The following DHFR2 variants were observed in gnomAD, a reference collection of about 807,000 sequenced individuals.
DHFR2 encodes the protein dihydrofolate reductase 2, mitochondrial.
In DHFR2, 11 loss-of-function variants were observed where a neutral mutation model predicts 12.0. The ratio of observed to expected loss-of-function variants is 0.92; its 90% CI spans 0.58 to 1.52. The LOEUF is 1.52. Ranked by LOEUF, DHFR2 falls within the 40% of genes most tolerant of loss-of-function variation. The pLI, the probability that DHFR2 is intolerant of heterozygous loss-of-function variation, is 0.00. For synonymous variants in DHFR2, 87 were observed against 79.6 expected (o/e 1.09, Z -0.49); for missense variants, 188 against 221.2 (o/e 0.85, Z 0.95).
rs2077159821 is a variant in DHFR2 at position 94,059,224 on chromosome 3, T to C, written c.*1724A>G. The C allele has an allele frequency of 1.3e-5, 2 of 152,216 alleles. No individual in the cohort carries two copies. The highest frequency in any genetic ancestry group is 2.9e-5 in the Non-Finnish European group (2 of 68,040). The allele number at this position is 152,216 out of a possible 1,614,324, so 9.4% of individuals were successfully genotyped here. On this transcript the variant is annotated 3_prime_UTR_variant, in exon 2 of 2. Transcript: ENST00000314636. ...AAGGCATGGTTCCGTTGTTTTCAGA[T>C]TCTTTTTTGAGACAGGGTCTCTTCT... is the stretch of plus-strand genomic sequence containing the variant.
At position 94,059,368 on chromosome 3, in the gene DHFR2, A is replaced by G. The variant is rs372901716; in HGVS notation, c.*1580T>C. 1 of 152,156 alleles carries G rather than the reference A, an allele frequency of 6.6e-6. No individual in the cohort carries two copies. Among genetic ancestry groups the G allele is most frequent in the Non-Finnish European group, 1.5e-5 (1 of 68,072 alleles). 9.4% of individuals were successfully genotyped at this position (152,156 alleles called of 1,614,324 possible). On this transcript the variant is annotated 3_prime_UTR_variant, in exon 2 of 2. Coordinates refer to ENST00000314636, the MANE Select transcript of DHFR2 (RefSeq NM_176815.5). ...AGACGAGACTACAGGTGTGTGCCAC[A>G]ATGCCCAGCCAATTTTTGTATCTTC...
Position 94,057,993 on chromosome 3 carries a change from AAT to A in DHFR2, c.*2953_*2954del, listed in dbSNP as rs1253324384. Reference sequence around the variant, plus strand: ...TGAGTCCCAAAAATGTGATAAAATTAATATGACCTCTTTCCAAGTATAACACA... The same window carrying A: ...TGAGTCCCAAAAATGTGATAAAATTAATGACCTCTTTCCAAGTATAACACA... On this transcript the variant is annotated 3_prime_UTR_variant, in exon 2 of 2. Transcript: ENST00000314636. 1 of 152,202 alleles carries A rather than the reference AAT, an allele frequency of 6.6e-6. No homozygotes were observed. Among genetic ancestry groups the A allele is most frequent in the African/African-American group, 2.4e-5 (1 of 41,470 alleles). The allele number at this position is 152,202 out of a possible 1,614,324, so 9.4% of individuals were successfully genotyped here. A position where few individuals can be genotyped will look rare whatever the true frequency, so the allele number is the denominator to read the frequency against.
rs1465589673 is a variant in DHFR2, at chr3:94,058,518, T to TA, written c.*2429dup. 6 of 152,400 alleles carry TA rather than the reference T, an allele frequency of 3.9e-5. No individual in the cohort carries two copies. Among genetic ancestry groups the TA allele is most frequent in the East Asian group, 1.9e-4 (1 of 5,174 alleles). The allele number at this position is 152,400 out of a possible 1,614,324, so 9.4% of individuals were successfully genotyped here. A position where few individuals can be genotyped will look rare whatever the true frequency, so the allele number is the denominator to read the frequency against. On this transcript the variant is annotated 3_prime_UTR_variant, in exon 2 of 2. Transcript: ENST00000314636. ...ATATGACAGATGAGGATTTAGCTCT[T>TA]ACACCATCACTATCTTCACTTTTCC... is the stretch of plus-strand genomic sequence containing the variant.
rs148712785 is a variant in DHFR2 at position 94,061,872 on chromosome 3, T to C, written c.-95-266A>G. 6.1e-3 allele frequency among the ~76,000 whole-genome samples: 922 copies of C among 152,114 alleles called. 10 individuals carry two copies. Among genetic ancestry groups the C allele is most frequent in the African/African-American group, 0.02 (848 of 41,538 alleles). ...GTACCAAATCTAAATTCTAATAAGA[T>C]GCATTTTTTAGGTGACTTGGAAACT... On this transcript the variant is annotated intron_variant, in intron 1 of 1. Transcript: ENST00000314636.
Position 94,058,140 on chromosome 3 carries a change from A to T in DHFR2, c.*2808T>A, listed in dbSNP as rs1354253325. ...TATTTTTATTAAAGAAATATATGAA[A>T]ATGGTTAAGTAAAATCAAATGGCTC... is the stretch of plus-strand genomic sequence containing the variant. On this transcript the variant is annotated 3_prime_UTR_variant, in exon 2 of 2. Coordinates refer to ENST00000314636, the MANE Select transcript of DHFR2 (RefSeq NM_176815.5). 6.6e-6 allele frequency: 1 copy of T among 152,130 alleles called. No individual in the cohort carries two copies. The highest frequency in any genetic ancestry group is 1.5e-5 in the Non-Finnish European group (1 of 68,000). 9.4% of individuals were successfully genotyped at this position (152,130 alleles called of 1,614,324 possible). A position where few individuals can be genotyped will look rare whatever the true frequency, so the allele number is the denominator to read the frequency against.
rs2077169257 is a variant in DHFR2, at chr3:94,060,916, G to C, written c.*32C>G. ...AATGCATACTTTTCTCAGAGGGAGG[G>C]GGAACAACTTAAACCAGAAAACACC... On this transcript the variant is annotated 3_prime_UTR_variant, in exon 2 of 2. Coordinates refer to ENST00000314636, the MANE Select transcript of DHFR2 (RefSeq NM_176815.5). 3 of 1,601,860 alleles carry C rather than the reference G, an allele frequency of 1.9e-6. No homozygotes were observed. The highest frequency in any genetic ancestry group is 2.7e-5 in the African/African-American group (2 of 74,432).
Position 94,061,071 on chromosome 3 carries a change from C to G in DHFR2, c.441G>C (p.Thr147=), listed in dbSNP as rs764442697. The G allele has an allele frequency of 6.8e-6, 11 of 1,613,872 alleles. No homozygotes were observed. The highest frequency in any genetic ancestry group is 6.8e-6 in the Non-Finnish European group (8 of 1,179,830). The part of the protein sequence containing the change: ...TRIMQDFESD[T]FFSEIDLEKY... ...TCTCCAAGTCAATTTCTGAAAAAAA[C>G]GTGTCACTTTCAAAGTCCTGCATGA... Residue 147 remains threonine, a synonymous_variant, in exon 2 of 2, where the codon ACG becomes ACC. Transcript: ENST00000314636.
chr3:94,061,461 G>C lies in DHFR2; in HGVS notation c.51C>G (p.Ile17Met). 1 of 1,614,002 alleles carries C rather than the reference G, an allele frequency of 6.2e-7. No homozygotes were observed. Among genetic ancestry groups the C allele is most frequent in the Non-Finnish European group, 8.5e-7 (1 of 1,179,926 alleles). ...CIVAVSQNMGIGKNGDLPRPP... is the reference protein window; with the variant it reads ...CIVAVSQNMGMGKNGDLPRPP... Reference sequence around the variant, plus strand: ...GCCTGGGCAGGTCCCCGTTCTTGCCGATGCCCATGTTTTGGGACACAGCGA... The same window carrying C: ...GCCTGGGCAGGTCCCCGTTCTTGCCCATGCCCATGTTTTGGGACACAGCGA... The change falls in exon 2 of 2, where the codon ATC (isoleucine) becomes ATG (methionine). Residue 17 changes from isoleucine to methionine, a missense_variant. Physicochemically the swap from Ile to Met is conservative, Grantham distance 10. Coordinates refer to ENST00000314636, the MANE Select transcript of DHFR2 (RefSeq NM_176815.5).
upstream of DHFR2, chr3:94,063,171 C>G: frequency 6.2e-7 from 1 of 1,612,626 alleles, no homozygotes; most frequent in Non-Finnish European, 8.5e-7. Context: ...GTACCTCTAT[C>G]TGAATGAGAC....
chr3:94,060,852 T>C lies in DHFR2; in HGVS notation c.*96A>G. The C allele has an allele frequency of 3.8e-6, 5 of 1,329,454 alleles. No individual in the cohort carries two copies. Among genetic ancestry groups the C allele is most frequent in the Non-Finnish European group, 5.2e-6 (5 of 967,022 alleles). The allele number at this position is 1,329,454 out of a possible 1,614,324, so 82.4% of individuals were successfully genotyped here. A position where few individuals can be genotyped will look rare whatever the true frequency, so the allele number is the denominator to read the frequency against. Reference sequence around the variant, plus strand: ...CACGTTGCTTAGAAATAATTATCCATAGATCTGAAGTCAACAAAAGTCCCT... The same window carrying C: ...CACGTTGCTTAGAAATAATTATCCACAGATCTGAAGTCAACAAAAGTCCCT... On this transcript the variant is annotated 3_prime_UTR_variant, in exon 2 of 2. Coordinates refer to ENST00000314636, the MANE Select transcript of DHFR2 (RefSeq NM_176815.5).
rs1485203612 is a variant in DHFR2 at position 94,062,897 on chromosome 3, A to C, written c.-247T>G. The C allele has an allele frequency of 1.8e-6, 1 of 556,814 alleles. No homozygotes were observed. Among genetic ancestry groups the C allele is most frequent in the Non-Finnish European group, 3.2e-6 (1 of 308,272 alleles). The allele number at this position is 556,814 out of a possible 1,614,324, so 34.5% of individuals were successfully genotyped here. On this transcript the variant is annotated 5_prime_UTR_variant, in exon 1 of 2. Transcript: ENST00000314636. ...CGCGTCCTGGGAAGTATCAGCCTTTACCAGCTACCGGAAGTAACTGCGCAC... is the reference window on the plus strand; with the variant it reads ...CGCGTCCTGGGAAGTATCAGCCTTTCCCAGCTACCGGAAGTAACTGCGCAC...
Position 94,061,003 on chromosome 3 carries a change from A to G in DHFR2, c.509T>C (p.Val170Ala). 6.2e-7 allele frequency: 1 copy of G among 1,613,934 alleles called. No individual in the cohort carries two copies. Among genetic ancestry groups the G allele is most frequent in the East Asian group, 2.2e-5 (1 of 44,868 alleles). ...GTACTTGATGTGTTTCCCCTCCTGG[A>G]CATCAGAGAGAACACCTGGGTATTC... ...LPEYPGVLSD[V>A]QEGKHIKYKF... Residue 170 changes from valine (V) to alanine (A), a missense_variant, in exon 2 of 2, where the codon GTC becomes GCC. Coordinates refer to ENST00000314636, the MANE Select transcript of DHFR2 (RefSeq NM_176815.5).
In DHFR2 at chr3:94,061,563, C is replaced by G. The variant is rs2077175458; in HGVS notation, c.-52G>C. 6.2e-7 allele frequency: 1 copy of G among 1,604,292 alleles called. No individual in the cohort carries two copies. On this transcript the variant is annotated 5_prime_UTR_variant, in exon 2 of 2. Transcript: ENST00000314636. The stretch of plus-strand genomic sequence containing the variant: ...TTGCTGGCTACGCCAGGAAGCCAGG[C>G]CAAGAATGCCGCGAAATTCCCTTCT...
rs865912239 is a variant in DHFR2, at chr3:94,058,625, C to T, written c.*2323G>A. 1.3e-5 allele frequency: 2 copies of T among 153,052 alleles called. No homozygotes were observed. Among genetic ancestry groups the T allele is most frequent in the Middle Eastern group, 6.7e-3 (2 of 300 alleles). 9.5% of individuals were successfully genotyped at this position (153,052 alleles called of 1,614,324 possible). Reference sequence around the variant, plus strand: ...ATCATTATGACTATGTACATATTGCCCATTGTTGAGAAAAACAGCGTATGA... The same window carrying T: ...ATCATTATGACTATGTACATATTGCTCATTGTTGAGAAAAACAGCGTATGA... On this transcript the variant is annotated 3_prime_UTR_variant, in exon 2 of 2. Transcript: ENST00000314636.
rs142093204 is a variant in DHFR2, at chr3:94,060,513, T to C, written c.*435A>G. On this transcript the variant is annotated 3_prime_UTR_variant, in exon 2 of 2. Coordinates refer to ENST00000314636, the MANE Select transcript of DHFR2 (RefSeq NM_176815.5). ...CTGGACTTCCAGGTTGTTTTCAGTTTTTCACTGTTACAAAAAAGGCTGCAA... is the reference window on the plus strand; with the variant it reads ...CTGGACTTCCAGGTTGTTTTCAGTTCTTCACTGTTACAAAAAAGGCTGCAA... 480 of 163,964 alleles carry C rather than the reference T, an allele frequency of 2.9e-3. 3 individuals carry two copies. The highest frequency in any genetic ancestry group is 0.011 in the African/African-American group (446 of 41,786). The allele number at this position is 163,964 out of a possible 1,614,324, so 10.2% of individuals were successfully genotyped here.
At position 94,062,733 on chromosome 3, in the gene DHFR2, G is replaced by A. The variant is rs961347790; in HGVS notation, c.-96+13C>T. ...ACTGCAACCTCAAACTTCTGCCCAA[G>A]CGATCCTCCCACCTCAGCATCCGCA... On this transcript the variant is annotated intron_variant, in intron 1 of 1. Coordinates refer to ENST00000314636, the MANE Select transcript of DHFR2 (RefSeq NM_176815.5). 29 of 261,116 alleles carry A rather than the reference G, an allele frequency of 1.1e-4. No individual in the cohort carries two copies. The highest frequency in any genetic ancestry group is 3.0e-5 in the Non-Finnish European group (4 of 131,426). The allele number at this position is 261,116 out of a possible 1,614,324, so 16.2% of individuals were successfully genotyped here. A position where few individuals can be genotyped will look rare whatever the true frequency, so the allele number is the denominator to read the frequency against.
In DHFR2 at chr3:94,062,826, A is replaced by C. The variant is rs2077184704; in HGVS notation, c.-176T>G. Reference sequence around the variant, plus strand: ...GGTCCGGCCGCCCAAAGCTACGCCGACCAATCCAAGTAGCGAAAGTCGCTT... The same window carrying C: ...GGTCCGGCCGCCCAAAGCTACGCCGCCCAATCCAAGTAGCGAAAGTCGCTT... On this transcript the variant is annotated 5_prime_UTR_variant, in exon 1 of 2. Transcript: ENST00000314636. The C allele has an allele frequency of 2.4e-6, 1 of 419,938 alleles. No homozygotes were observed. The highest frequency in any genetic ancestry group is 2.0e-5 in the African/African-American group (1 of 50,246). 26.0% of individuals were successfully genotyped at this position (419,938 alleles called of 1,614,324 possible).
In DHFR2 at chr3:94,061,321, T is replaced by C. The variant is rs1179427118; in HGVS notation, c.191A>G (p.Lys64Arg). 6.2e-7 allele frequency: 1 copy of C among 1,614,088 alleles called. No individual in the cohort carries two copies. Among genetic ancestry groups the C allele is most frequent in the Admixed American group, 1.7e-5 (1 of 60,024 alleles). ...AATTCTATCCTTTAAAGGTCGATTC[T>C]TCTCAGGAATGGAGAACCAGGTCTT... ...GRKTWFSIPE[K>R]NRPLKDRINL... The change falls in exon 2 of 2, where the codon AAG (lysine) becomes AGG (arginine). Residue 64 changes from lysine to arginine, a missense_variant. Coordinates refer to ENST00000314636, the MANE Select transcript of DHFR2 (RefSeq NM_176815.5).
In DHFR2 at chr3:94,061,362, C is replaced by A; in HGVS notation, c.150G>T (p.Leu50=). The A allele has an allele frequency of 6.2e-7, 1 of 1,614,124 alleles. No individual in the cohort carries two copies. Among genetic ancestry groups the A allele is most frequent in the Non-Finnish European group, 8.5e-7 (1 of 1,180,024 alleles). The change falls in exon 2 of 2, where the codon CTG becomes CTT. Residue 50 remains leucine, a synonymous_variant. Transcript: ENST00000314636. ...TTSSVEGKQN[L]VIMGRKTWFS... is the part of the protein sequence containing the mutation. ...ACCAGGTCTTCCTACCCATAATCAC[C>A]AGATTCTGTTTACCCTCTACTGAAG...
Sources: allele counts gnomAD v4.1 joint callset (sites outside exome capture counted in the v4.1 genomes callset), GRCh38; gene constraint gnomAD v4.1.1; transcripts MANE v1.5; gene names NCBI Gene and HGNC (gene_info 2026-07-23, HGNC 2026-07-21).